GBP4: variants seen among roughly 807,000 people sequenced by gnomAD.
GBP4 encodes the protein guanylate-binding protein 4.
Under a neutral mutation model 62.2 loss-of-function variants are expected in GBP4, and 69 were observed. The observed-to-expected ratio is 1.11, with a 90% CI of 0.91 to 1.36. GBP4 has a LOEUF of 1.36. Ranked by LOEUF, GBP4 falls within the 40% of genes most tolerant of loss-of-function variation. The pLI, the probability that GBP4 is intolerant of heterozygous loss-of-function variation, is 0.00. For synonymous variants in GBP4, 278 were observed against 274.6 expected (o/e 1.01, Z -0.12); for missense variants, 697 against 759.3 (o/e 0.92, Z 0.96).
Position 89,181,460 on chromosome 1 carries a change from C to G in GBP4, c.*3794G>C, listed in dbSNP as rs1020748639. ...CAGGCCATCTGGACGTATGTACATG[C>G]AGGTCACAGGGGATATGATGGCTTA... On this transcript the variant is annotated 3_prime_UTR_variant, in exon 11 of 11. Coordinates refer to ENST00000355754, the MANE Select transcript of GBP4 (RefSeq NM_052941.5). 1 of 152,520 alleles carries G rather than the reference C, an allele frequency of 6.6e-6. No homozygotes were observed. Among genetic ancestry groups the G allele is most frequent in the African/African-American group, 2.4e-5 (1 of 41,414 alleles). 9.4% of individuals were successfully genotyped at this position (152,520 alleles called of 1,614,324 possible).
chr1:89,188,923 CA>C (rs1418917476), intron 7 of GBP4, 129 bp from the exon 8 acceptor site: 3 of 946,016 alleles, frequency 3.2e-6, no homozygotes, highest in South Asian at 1.6e-5. Context: ...CCAAGAGTCA[CA>C]AGAATGATTT....
rs1253148174 is a variant in GBP4, at chr1:89,197,208, A to G, written c.137T>C (p.Leu46Pro). Reference sequence around the variant, plus strand: ...CACCACGGGCTGAGAAATCTTGTCAAGAATCTCTAATGCCTTTGAATTCAC... The same window carrying G: ...CACCACGGGCTGAGAAATCTTGTCAGGAATCTCTAATGCCTTTGAATTCAC... ...LTVNSKALEI[L>P]DKISQPVVVV... The change falls in exon 2 of 11, where the codon CTT (leucine) becomes CCT (proline). Residue 46 changes from leucine to proline, a missense_variant. By Grantham distance (98) the Leu-to-Pro change is moderately conservative. Transcript: ENST00000355754. 14 of 1,614,108 alleles carry G rather than the reference A, an allele frequency of 8.7e-6. No homozygotes were observed. The highest frequency in any genetic ancestry group is 1.2e-5 in the Non-Finnish European group (14 of 1,180,030).
chr1:89,188,522 G>A (rs140586045), intron 8 of GBP4, 60 bp downstream of exon 8: 8 of 1,340,758 alleles, frequency 6.0e-6, no homozygotes, highest in African/African-American at 2.9e-5. Flanking sequence ...TTTTCAGAAG[G>A]GGCAACAAAA....
rs1647892609 is a variant in GBP4 at position 89,181,939 on chromosome 1, T to A, written c.*3315A>T. The A allele has an allele frequency of 2.6e-5, 4 of 152,118 alleles. No individual in the cohort carries two copies. In the South Asian group the frequency reaches 8.3e-4, roughly 32 times the overall value. 9.4% of individuals were successfully genotyped at this position (152,118 alleles called of 1,614,324 possible). A position where few individuals can be genotyped will look rare whatever the true frequency, so the allele number is the denominator to read the frequency against. On this transcript the variant is annotated 3_prime_UTR_variant, in exon 11 of 11. Transcript: ENST00000355754. ...AGACTAAAATACCTAAAAATACAGC[T>A]AACCAAGGAAGCAAAAGATATATAT...
chr1:89,185,121 T>G lies in GBP4; in HGVS notation c.*133A>C. ...GTCAGGCCCTGATATTCTTTGATAA[T>G]CACTTTTTAATTTTAAACTTTTCTT... On this transcript the variant is annotated 3_prime_UTR_variant, in exon 11 of 11. Transcript: ENST00000355754. 1.8e-6 allele frequency: 1 copy of G among 544,854 alleles called. No homozygotes were observed. The highest frequency in any genetic ancestry group is 3.2e-6 in the Non-Finnish European group (1 of 309,808). 33.8% of individuals were successfully genotyped at this position (544,854 alleles called of 1,614,324 possible). A position where few individuals can be genotyped will look rare whatever the true frequency, so the allele number is the denominator to read the frequency against.
In GBP4 at chr1:89,185,139, C is replaced by A. The variant is rs1449735325; in HGVS notation, c.*115G>T. On this transcript the variant is annotated 3_prime_UTR_variant, in exon 11 of 11. Coordinates refer to ENST00000355754, the MANE Select transcript of GBP4 (RefSeq NM_052941.5). ...TTGATAATCACTTTTTAATTTTAAA[C>A]TTTTCTTGAATGAAACTGCTATAAC... The A allele has an allele frequency of 2.4e-5, 14 of 593,850 alleles. No individual in the cohort carries two copies. Among genetic ancestry groups the A allele is most frequent in the Non-Finnish European group, 4.0e-5 (14 of 349,954 alleles). 36.8% of individuals were successfully genotyped at this position (593,850 alleles called of 1,614,324 possible).
At chr1:89,186,194 T>A in intron 10 of GBP4, 139 bp downstream of exon 10, 1 of 675,852 alleles carries the variant, frequency 1.5e-6, no homozygotes, top group South Asian at 1.9e-5. Flanking sequence ...AGAATTTAGA[T>A]GTATTTGAGA....
At chr1:89,187,315 C>A (rs1648062963) in intron 8 of GBP4, among the ~76,000 whole-genome samples, 1 of 151,374 alleles carries the variant, frequency 6.6e-6, no homozygotes, top group Non-Finnish European at 1.5e-5. Flanking sequence ...CCTGCCTGTC[C>A]AGCCTCCCTC....
At position 89,197,219 on chromosome 1, in the gene GBP4, T is replaced by C. The variant is rs371006636; in HGVS notation, c.126A>G (p.Ala42=). 8.9e-5 allele frequency: 143 copies of C among 1,614,080 alleles called. 1 individual carries two copies. The highest frequency in any genetic ancestry group is 1.6e-4 in the Middle Eastern group (1 of 6,084). Residue 42 remains alanine (A), a synonymous_variant, in exon 2 of 11, where the codon GCA becomes GCG. Coordinates refer to ENST00000355754, the MANE Select transcript of GBP4 (RefSeq NM_052941.5). ...QEEQLTVNSK[A]LEILDKISQP... is the part of the protein sequence containing the mutation. ...GAGAAATCTTGTCAAGAATCTCTAA[T>C]GCCTTTGAATTCACTGTCAGCTGCT... is the stretch of plus-strand genomic sequence containing the variant.
At chr1:89,196,142 C>G in intron 2 of GBP4, among the ~76,000 whole-genome samples, 1 of 152,266 alleles carries the variant, frequency 6.6e-6, no homozygotes, top group Middle Eastern at 3.4e-3. Flanking sequence ...GTATTAATGA[C>G]AGCCTTATTC....
At chr1:89,185,821 G>C (rs948242883) in intron 10 of GBP4, among the ~76,000 whole-genome samples, 1 of 152,210 alleles carries the variant, frequency 6.6e-6, no homozygotes, top group African/African-American at 2.4e-5. Flanking sequence ...GGGGACTGCT[G>C]ACCCTGTATA....
Position 89,185,309 on chromosome 1 carries a change from G to C in GBP4, c.1868C>G (p.Pro623Arg). The C allele has an allele frequency of 6.2e-7, 1 of 1,613,688 alleles. No homozygotes were observed. Among genetic ancestry groups the C allele is most frequent in the Non-Finnish European group, 8.5e-7 (1 of 1,179,676 alleles). The change falls in exon 11 of 11, where the codon CCT becomes CGT. Residue 623 changes from proline (P) to arginine (R), a missense_variant. By Grantham distance (103) the Pro-to-Arg change is moderately radical (BLOSUM62 -2). Transcript: ENST00000355754. ...TACTCCAAGTAGCTTGGAAGCCCCA[G>C]GTAGAGTGACAATCATTATGTTGCT... ...MASNIMIVTL[P>R]GASKLLGVGT...
At position 89,196,338 on chromosome 1, in the gene GBP4, T is replaced by A. The variant is rs375036523; in HGVS notation, c.235+772A>T. The stretch of plus-strand genomic sequence containing the variant: ...AATACACACAATATAATTTCCTTTA[T>A]GTAAAGTTTAAAAGCAGACCAACCT... On this transcript the variant is annotated intron_variant, in intron 2 of 10. Coordinates refer to ENST00000355754, the MANE Select transcript of GBP4 (RefSeq NM_052941.5). Among the ~76,000 whole-genome samples the A allele has an allele frequency of 4.7e-4, 72 of 152,340 alleles. No homozygotes were observed. The South Asian group carries it at 0.015, about 32-fold the overall frequency.
Position 89,185,116 on chromosome 1 carries a change from G to A in GBP4, c.*138C>T. 1.9e-6 allele frequency: 1 copy of A among 538,604 alleles called. No homozygotes were observed. Among genetic ancestry groups the A allele is most frequent in the Non-Finnish European group, 3.3e-6 (1 of 305,534 alleles). The allele number at this position is 538,604 out of a possible 1,614,324, so 33.4% of individuals were successfully genotyped here. Reference sequence around the variant, plus strand: ...TGGATGTCAGGCCCTGATATTCTTTGATAATCACTTTTTAATTTTAAACTT... The same window carrying A: ...TGGATGTCAGGCCCTGATATTCTTTAATAATCACTTTTTAATTTTAAACTT... On this transcript the variant is annotated 3_prime_UTR_variant, in exon 11 of 11. Transcript: ENST00000355754.
chr1:89,190,890 C>A (rs924339522), intron 6 of GBP4, among the ~76,000 whole-genome samples: 20 of 152,096 alleles, frequency 1.3e-4, no homozygotes, highest in Non-Finnish European at 2.5e-4. Flanking sequence ...CTCAAACTCT[C>A]AATGAGCTTG....
At chr1:89,188,205 G>A (rs1028137011) in intron 8 of GBP4, among the ~76,000 whole-genome samples, 3 of 151,970 alleles carry the variant, frequency 2.0e-5, no homozygotes, top group African/African-American at 7.3e-5. Context: ...ATACCAGTAC[G>A]ATAACCGTAA....
chr1:89,188,597 G>T lies in GBP4; in HGVS notation c.1395C>A (p.Pro465=). ...KQVEWDYKLV[P]RKGVKANEVL... ...TTTTCCTCACCTTAACTCCTTTTCT[G>T]GGCACTAGCTTATAGTCCCACTCAA... The change falls in exon 8 of 11, where the codon CCC becomes CCA. Residue 465 remains proline (P), a synonymous_variant. Transcript: ENST00000355754. The T allele has an allele frequency of 1.2e-6, 2 of 1,613,234 alleles. No homozygotes were observed. Among genetic ancestry groups the T allele is most frequent in the Non-Finnish European group, 1.7e-6 (2 of 1,179,274 alleles).
chr1:89,187,490 C>T (rs1040672452), intron 8 of GBP4, among the ~76,000 whole-genome samples: 1 of 152,050 alleles, frequency 6.6e-6, no homozygotes, highest in African/African-American at 2.4e-5. Flanking sequence ...CTACATCAAA[C>T]TAAAAATTTC....
intron 9 of GBP4, 67 bp downstream of exon 9, chr1:89,186,933 T>C (rs28412993): frequency 2.9e-6 from 4 of 1,382,830 alleles, no homozygotes; most frequent in Non-Finnish European, 4.1e-6. Flanking sequence ...TATCTTTCAG[T>C]GTGATCAGCA....
Sources: allele counts gnomAD v4.1 joint callset (sites outside exome capture counted in the v4.1 genomes callset), GRCh38; gene constraint gnomAD v4.1.1; transcripts MANE v1.5; gene names NCBI Gene and HGNC (gene_info 2026-07-23, HGNC 2026-07-21).